Variants in EML6 observed in about 807,000 individuals in gnomAD.
The protein encoded by EML6 is echinoderm microtubule-associated protein-like 6.
Under a neutral mutation model 240.1 loss-of-function variants are expected in EML6, and 154 were observed. The observed-to-expected ratio is 0.64, with a 90% CI of 0.56 to 0.73. EML6 has a LOEUF of 0.73. Among genes scored for constraint, EML6 ranks in the 30% least tolerant of loss-of-function variants. EML6 has a pLI of 0.00. For missense variants in EML6, 2,964 were observed against 2,474.6 expected, an observed-to-expected ratio of 1.20 and a Z score of -4.20; for synonymous variants, 1,148 against 899.0, an observed-to-expected ratio of 1.28 and a Z score of -4.95.
intron 2 of EML6, among the ~76,000 whole-genome samples, chr2:54,762,006 C>T (rs1431286737): frequency 6.6e-6 from 1 of 152,094 alleles, no homozygotes; most frequent in African/African-American, 2.4e-5. Context: ...TGACACAATA[C>T]TGTTATCTGC....
At chr2:54,969,592 C>T (rs544125855) in intron 41 of EML6, among the ~76,000 whole-genome samples, 4 of 152,264 alleles carry the variant, frequency 2.6e-5, no homozygotes, top group South Asian at 2.1e-4. Context: ...GAGTAAAAGA[C>T]GTAAATGAAT....
At chr2:54,896,133 T>TACCTCC (rs1296647664) in intron 21 of EML6, among the ~76,000 whole-genome samples, 1 of 152,174 alleles carries the variant, frequency 6.6e-6, no homozygotes, top group East Asian at 1.9e-4. Context: ...CAGAATCCTT[T>TACCTCC]ACCTCCACCT....
chr2:54,920,856 A>T (rs957343058), intron 26 of EML6, among the ~76,000 whole-genome samples: 1 of 152,188 alleles, frequency 6.6e-6, no homozygotes, highest in Non-Finnish European at 1.5e-5. Context: ...GGTTCGACAT[A>T]TGCAAGTCAG....
intron 18 of EML6, among the ~76,000 whole-genome samples, chr2:54,891,858 A>G (rs1276096586): frequency 6.6e-6 from 1 of 152,226 alleles, no homozygotes; most frequent in African/African-American, 2.4e-5. Context: ...TCTCAGTGAC[A>G]GGGAGTGTGG....
intron 21 of EML6, among the ~76,000 whole-genome samples, chr2:54,896,019 CAAAGGG>C (rs925204608): frequency 9.9e-5 from 15 of 152,190 alleles, no homozygotes; most frequent in African/African-American, 3.4e-4. Context: ...ATACCACACT[CAAAGGG>C]AGGTGATTAT....
At chr2:54,898,514 A>G (rs887218880) in intron 21 of EML6, among the ~76,000 whole-genome samples, 1 of 152,178 alleles carries the variant, frequency 6.6e-6, no homozygotes, top group African/African-American at 2.4e-5. Context: ...CTCAAATCCA[A>G]TAAATTCAAA....
chr2:54,920,816 A>G (rs1396207938), intron 26 of EML6, among the ~76,000 whole-genome samples: 2 of 152,172 alleles, frequency 1.3e-5, no homozygotes, highest in Admixed American at 6.5e-5. Flanking sequence ...CACCATGATC[A>G]AGTGGAATGT....
chr2:54,802,459 C>G (rs1346533649), intron 2 of EML6, among the ~76,000 whole-genome samples: 2 of 151,808 alleles, frequency 1.3e-5, no homozygotes, highest in African/African-American at 2.4e-5. Flanking sequence ...AACCCCATCT[C>G]TACAAAAAAA....
chr2:54,916,650 A>G lies in EML6; in HGVS notation c.3499-109A>G, dbSNP rs1024748955. ...TTGTGTACCTCAGCACTCAACACAAATGCCTAACGTTGGCAAAGTAATTTA... is the reference window on the plus strand; with the variant it reads ...TTGTGTACCTCAGCACTCAACACAAGTGCCTAACGTTGGCAAAGTAATTTA... On this transcript the variant is annotated intron_variant, in intron 25 of 41. Coordinates refer to ENST00000356458, the MANE Select transcript of EML6 (RefSeq NM_001039753.4). 20 of 824,762 alleles carry G rather than the reference A, an allele frequency of 2.4e-5. No individual in the cohort carries two copies. In the African/African-American group the frequency reaches 3.2e-4, roughly 13 times the overall value. 51.1% of individuals were successfully genotyped at this position (824,762 alleles called of 1,614,324 possible). A position where few individuals can be genotyped will look rare whatever the true frequency, so the allele number is the denominator to read the frequency against.
At chr2:54,765,423 C>G (rs1303560642) in intron 2 of EML6, among the ~76,000 whole-genome samples, 1 of 152,144 alleles carries the variant, frequency 6.6e-6, no homozygotes, top group Non-Finnish European at 1.5e-5. Context: ...CTTTTCCCTA[C>G]AAACTTAAGG....
intron 24 of EML6, among the ~76,000 whole-genome samples, chr2:54,907,933 TAGATAGATAGATA>T (rs1558673870): frequency 1.6e-3 from 68 of 41,910 alleles, no homozygotes; most frequent in Admixed American, 3.3e-3. Flanking sequence ...GATAGATAGA[TAGATAGATAGATA>T]AGATAGATAG....
chr2:54,735,431 G>A (rs140310556), intron 2 of EML6, among the ~76,000 whole-genome samples: 27 of 152,330 alleles, frequency 1.8e-4, no homozygotes, highest in African/African-American at 5.1e-4. Context: ...TACATACTTC[G>A]TGAAGATAAA....
intron 2 of EML6, among the ~76,000 whole-genome samples, chr2:54,763,446 C>T (rs571331743): frequency 6.6e-6 from 1 of 152,242 alleles, no homozygotes; most frequent in South Asian, 2.1e-4. Flanking sequence ...AACATGATTC[C>T]AAAACTCCAG....
intron 2 of EML6, among the ~76,000 whole-genome samples, chr2:54,728,876 T>G (rs994563518): frequency 2.1e-4 from 32 of 152,200 alleles, no homozygotes; most frequent in African/African-American, 7.5e-4. Flanking sequence ...ATAAATTCTT[T>G]GCTTCCCACT....
chr2:54,966,980 G>T lies in EML6; in HGVS notation c.5494-20G>T. Reference sequence around the variant, plus strand: ...ACTGAGAAAGAACGTTGATGAACATGGCTTCCCTTCTACCTACAGGTGTCA... The same window carrying T: ...ACTGAGAAAGAACGTTGATGAACATTGCTTCCCTTCTACCTACAGGTGTCA... On this transcript the variant is annotated intron_variant, in intron 38 of 41. Transcript: ENST00000356458. 6.7e-7 allele frequency: 1 copy of T among 1,493,348 alleles called. No individual in the cohort carries two copies. The highest frequency in any genetic ancestry group is 9.1e-7 in the Non-Finnish European group (1 of 1,095,112). 92.5% of individuals were successfully genotyped at this position (1,493,348 alleles called of 1,614,324 possible).
intron 13 of EML6, among the ~76,000 whole-genome samples, chr2:54,864,693 A>G (rs889801944): frequency 3.9e-5 from 6 of 152,240 alleles, no homozygotes; most frequent in African/African-American, 9.6e-5. Context: ...GGCAGCTACC[A>G]TGTGTTGAAA....
chr2:54,847,371 T>G (rs1572994949), intron 8 of EML6, 115 bp from the exon 9 acceptor site: 1 of 1,099,088 alleles, frequency 9.1e-7, no homozygotes, highest in East Asian at 2.6e-5. Context: ...TGGTGTGAAG[T>G]TCCTATGTCT....
intron 6 of EML6, among the ~76,000 whole-genome samples, chr2:54,828,570 C>A (rs1668709597): frequency 6.6e-6 from 1 of 152,242 alleles, no homozygotes; most frequent in Non-Finnish European, 1.5e-5. Context: ...AGAGCTATGA[C>A]ATTTCAGATC....
intron 30 of EML6, among the ~76,000 whole-genome samples, chr2:54,951,157 T>C (rs1675956268): frequency 6.6e-6 from 1 of 152,202 alleles, no homozygotes; most frequent in Non-Finnish European, 1.5e-5. Flanking sequence ...AATGAGCTAT[T>C]TTTTAACAGC....
Sources: gnomAD v4.1 joint callset for allele counts (sites outside exome capture counted in the v4.1 genomes callset) on GRCh38, gnomAD v4.1.1 for gene constraint, MANE v1.5 for transcripts, NCBI Gene and HGNC (gene_info 2026-07-23, HGNC 2026-07-21) for gene names.